DLG2: variants seen among roughly 807,000 people sequenced by gnomAD.
DLG2 encodes the protein discs large MAGUK scaffold protein 2, also known as disks large homolog 2.
A neutral mutation model predicts 132.5 loss-of-function variants in DLG2; 45 were observed. The ratio of observed to expected loss-of-function variants is 0.34; its 90% CI spans 0.27 to 0.44. The LOEUF (loss-of-function observed/expected upper bound fraction) is 0.44. Among genes scored for constraint, DLG2 ranks in the 20% least tolerant of loss-of-function variants. DLG2 has a pLI of 1.00. For missense variants in DLG2, 1,045 were observed against 1,196.9 expected (o/e 0.87, Z 1.87); for synonymous variants, 424 against 419.6 (o/e 1.01, Z -0.13).
At chr11:83,647,520 T>C (rs1031454758) in intron 18 of DLG2, 1 of 152,168 alleles carries the variant, frequency 6.6e-6, no homozygotes, top group Non-Finnish European at 1.5e-5. Context: ...CTCACACCCA[T>C]GTCTTCAGAT....
intron 6 of DLG2, among the ~76,000 whole-genome samples, chr11:84,937,485 G>A (rs1293876013): frequency 6.6e-6 from 1 of 152,086 alleles, no homozygotes; most frequent in Non-Finnish European, 1.5e-5. Context: ...AGTCAACTGG[G>A]AGTCCAGAGA....
At chr11:84,096,101 T>G (rs893377754) in intron 10 of DLG2, among the ~76,000 whole-genome samples, 2 of 152,182 alleles carry the variant, frequency 1.3e-5, no homozygotes, top group African/African-American at 4.8e-5. Flanking sequence ...CACATGAGAT[T>G]TTAGAGAATA....
At chr11:84,551,695 C>G (rs1320266360) in intron 6 of DLG2, among the ~76,000 whole-genome samples, 1 of 152,156 alleles carries the variant, frequency 6.6e-6, no homozygotes, top group Non-Finnish European at 1.5e-5. Flanking sequence ...TTAATTCACA[C>G]ACTATATTGT....
intron 3 of DLG2, among the ~76,000 whole-genome samples, chr11:85,306,789 G>C (rs530567542): frequency 3.0e-4 from 45 of 152,226 alleles, no homozygotes; most frequent in African/African-American, 1.1e-3. Flanking sequence ...AGCCAGGATG[G>C]TCTCAATCTC....
chr11:85,626,445 A>C (rs974749873), intron 2 of DLG2, 142 bp downstream of exon 2: 1 of 152,232 alleles, frequency 6.6e-6, no homozygotes, highest in African/African-American at 2.4e-5. Context: ...TTAGTAAAAT[A>C]ATATTACTGA....
intron 10 of DLG2, among the ~76,000 whole-genome samples, chr11:84,082,019 CT>C (rs1233203823): frequency 1.3e-5 from 2 of 152,160 alleles, no homozygotes; most frequent in Non-Finnish European, 2.9e-5. Flanking sequence ...TCCTTTCTAA[CT>C]GGTGTGAGAT....
intron 6 of DLG2, among the ~76,000 whole-genome samples, chr11:84,793,591 G>C (rs2153943549): frequency 6.6e-6 from 1 of 152,242 alleles, no homozygotes; most frequent in South Asian, 2.1e-4. Flanking sequence ...TCAAGCATTG[G>C]CTGCATATAT....
intron 7 of DLG2, among the ~76,000 whole-genome samples, chr11:84,392,023 GA>G: frequency 6.6e-6 from 1 of 152,246 alleles, no homozygotes; most frequent in East Asian, 1.9e-4. Context: ...ATACAATAGG[GA>G]TTTGGTATCT....
At chr11:84,612,759 A>G (rs1355053732) in intron 6 of DLG2, among the ~76,000 whole-genome samples, 1 of 152,118 alleles carries the variant, frequency 6.6e-6, no homozygotes. Flanking sequence ...ACATACACAC[A>G]TTCCTTTTTG....
chr11:85,266,006 A>G (rs940591212), intron 4 of DLG2, among the ~76,000 whole-genome samples: 2 of 152,224 alleles, frequency 1.3e-5, no homozygotes, highest in Non-Finnish European at 2.9e-5. Context: ...GTGGGTACCC[A>G]AAAAGGCTGT....
At chr11:84,780,909 T>A (rs61897873) in intron 6 of DLG2, among the ~76,000 whole-genome samples, 20,420 of 151,138 alleles carry the variant, frequency 0.14, 1,625 homozygotes, top group African/African-American at 0.22. Context: ...ACTGCTCAGT[T>A]GTTTAGAACG....
chr11:84,403,392 G>A (rs1011481963), intron 7 of DLG2, among the ~76,000 whole-genome samples: 1 of 152,142 alleles, frequency 6.6e-6, no homozygotes, highest in Non-Finnish European at 1.5e-5. Context: ...TTCCCTGACA[G>A]CCAATCAATT....
chr11:84,584,630 TG>T (rs1193247794), intron 6 of DLG2, among the ~76,000 whole-genome samples: 1 of 148,026 alleles, frequency 6.8e-6, no homozygotes, highest in African/African-American at 2.5e-5. Flanking sequence ...CCTCCCAAAG[TG>T]CTGGGATTAT....
chr11:84,834,886 TC>T (rs1410452550), intron 6 of DLG2, among the ~76,000 whole-genome samples: 3 of 151,346 alleles, frequency 2.0e-5, no homozygotes, highest in Non-Finnish European at 4.4e-5. Flanking sequence ...AATACTGGTG[TC>T]TTTCAGGGTG....
intron 6 of DLG2, among the ~76,000 whole-genome samples, chr11:84,725,016 G>A (rs1389530671): frequency 6.6e-6 from 1 of 152,140 alleles, no homozygotes; most frequent in African/African-American, 2.4e-5. Context: ...GCTAAGGAAT[G>A]TCATGTGGTC....
chr11:85,537,060 T>A (rs1470559396), intron 3 of DLG2, among the ~76,000 whole-genome samples: 1 of 152,166 alleles, frequency 6.6e-6, no homozygotes, highest in Non-Finnish European at 1.5e-5. Flanking sequence ...CAGTGCTCTG[T>A]GTCTAGCTAA....
chr11:84,720,054 T>G (rs2061629126), intron 6 of DLG2, among the ~76,000 whole-genome samples: 1 of 152,028 alleles, frequency 6.6e-6, no homozygotes, highest in Middle Eastern at 3.2e-3. Context: ...CTGCATCTGC[T>G]CTTGTAGCCT....
chr11:85,144,449 C>T (rs1290730635), intron 5 of DLG2, among the ~76,000 whole-genome samples: 3 of 150,278 alleles, frequency 2.0e-5, no homozygotes, highest in Non-Finnish European at 4.5e-5. Flanking sequence ...AGAACTTACT[C>T]CTCCCATTTT....
chr11:83,927,528 A>C (rs1670368170), intron 15 of DLG2, among the ~76,000 whole-genome samples: 1 of 152,170 alleles, frequency 6.6e-6, no homozygotes, highest in African/African-American at 2.4e-5. Context: ...GAAGAGATTT[A>C]GTGCATTTTG....
Sources: gnomAD v4.1 joint callset for allele counts (sites outside exome capture counted in the v4.1 genomes callset) on GRCh38, gnomAD v4.1.1 for gene constraint, MANE v1.5 for transcripts, NCBI Gene and HGNC (gene_info 2026-07-23, HGNC 2026-07-21) for gene names.